The following KBTBD12 variants were observed in gnomAD, a reference collection of about 807,000 sequenced individuals.
The protein encoded by KBTBD12 is kelch repeat and BTB domain containing 12, also known as kelch repeat and BTB domain-containing protein 12.
In KBTBD12, 53 loss-of-function variants were observed where a neutral mutation model predicts 58.7. The ratio of observed to expected loss-of-function variants is 0.90; its 90% CI spans 0.72 to 1.14. The LOEUF (loss-of-function observed/expected upper bound fraction) is 1.14, where lower values mean the gene tolerates loss of function less well. Among genes scored for constraint, KBTBD12 ranks in the 50% most tolerant of loss-of-function variants. The pLI, the probability that KBTBD12 is intolerant of heterozygous loss-of-function variation, is 0.00. For missense variants in KBTBD12, 704 were observed against 751.3 expected (o/e 0.94, Z 0.74); for synonymous variants, 236 against 259.8 (o/e 0.91, Z 0.88).
intron 5 of KBTBD12, chr3:127,963,724 C>T (rs1034552598): frequency 4.8e-6 from 1 of 207,710 alleles, no homozygotes; most frequent in African/African-American, 2.3e-5. Flanking sequence ...GTTTGTACAG[C>T]ATCTAGCACA....
intron 5 of KBTBD12, among the ~76,000 whole-genome samples, chr3:127,970,908 T>A (rs1000368769): frequency 2.0e-5 from 3 of 151,474 alleles, no homozygotes; most frequent in Non-Finnish European, 4.4e-5. Context: ...ACCATTTTTT[T>A]ATACATTTTC....
At chr3:127,960,924 A>G (rs547565085) in intron 4 of KBTBD12, among the ~76,000 whole-genome samples, 21 of 152,166 alleles carry the variant, frequency 1.4e-4, no homozygotes, top group Non-Finnish European at 2.2e-4. Flanking sequence ...AATAATACCC[A>G]TTCTGTATAT....
intron 5 of KBTBD12, among the ~76,000 whole-genome samples, chr3:127,974,725 C>T (rs928188777): frequency 2.6e-5 from 4 of 152,194 alleles, no homozygotes; most frequent in Non-Finnish European, 5.9e-5. Context: ...CGGTGGCTCA[C>T]GCCTGTAATC....
At chr3:127,927,664 A>G in intron 2 of KBTBD12, 100 bp from the exon 3 acceptor site, 3 of 888,678 alleles carry the variant, frequency 3.4e-6, no homozygotes, top group South Asian at 3.1e-5. Context: ...TGGAAGAACC[A>G]TATCTCATTA....
intron 1 of KBTBD12, among the ~76,000 whole-genome samples, chr3:127,921,017 G>T (rs1343302723): frequency 6.6e-6 from 1 of 151,950 alleles, no homozygotes; most frequent in Non-Finnish European, 1.5e-5. Flanking sequence ...CTTAGGAGCT[G>T]TGTCTATACC....
At chr3:127,945,132 T>C (rs986973333) in intron 4 of KBTBD12, among the ~76,000 whole-genome samples, 16 of 150,456 alleles carry the variant, frequency 1.1e-4, no homozygotes, top group Admixed American at 6.0e-4. Flanking sequence ...ACTGGTTGTT[T>C]TCTGTGTGTT....
rs775293018 is a variant in KBTBD12, at chr3:127,927,888, C to G, written c.1195C>G (p.Gln399Glu). 4 of 1,613,224 alleles carry G rather than the reference C, an allele frequency of 2.5e-6. No individual in the cohort carries two copies. The highest frequency in any genetic ancestry group is 3.4e-6 in the Non-Finnish European group (4 of 1,179,490). ...AGGAGGACAGATGAAAATTAAAAACCAGTATCTTATTACAAACTGTGTTGA... is the reference window on the plus strand; with the variant it reads ...AGGAGGACAGATGAAAATTAAAAACGAGTATCTTATTACAAACTGTGTTGA... ...VIGGQMKIKN[Q>E]YLITNCVDKY... Residue 399 changes from glutamine (Q) to glutamate (E), a missense_variant, in exon 3 of 6, where the codon CAG (glutamine) becomes GAG (glutamate). Gln to Glu is a conservative substitution (Grantham distance 29). Coordinates refer to ENST00000405109, the MANE Select transcript of KBTBD12 (RefSeq NM_207335.4).
intron 4 of KBTBD12, among the ~76,000 whole-genome samples, chr3:127,935,045 T>A (rs796776934): frequency 3.3e-5 from 5 of 152,308 alleles, no homozygotes; most frequent in African/African-American, 1.2e-4. Flanking sequence ...TTCTTTTTTC[T>A]TCTCTTAATT....
rs1008148073 is a variant in KBTBD12 at position 127,958,878 on chromosome 3, A to T, written c.1493-4311A>T. 3.5e-4 allele frequency among the ~76,000 whole-genome samples: 54 copies of T among 152,208 alleles called. 1 individual carries two copies. Among genetic ancestry groups the T allele is most frequent in the Admixed American group, 6.5e-5 (1 of 15,284 alleles). The stretch of plus-strand genomic sequence containing the variant: ...AGAGAATGGAGAATGGCCACAGTAC[A>T]TGGGGGCCCAGCAGCCCTGTTCTGT... On this transcript the variant is annotated intron_variant, in intron 4 of 5. Coordinates refer to ENST00000405109, the MANE Select transcript of KBTBD12 (RefSeq NM_207335.4).
chr3:127,968,244 CTT>C (rs1246181555), intron 5 of KBTBD12, among the ~76,000 whole-genome samples: 1 of 152,222 alleles, frequency 6.6e-6, no homozygotes, highest in Non-Finnish European at 1.5e-5. Context: ...ATCCCAGACT[CTT>C]TGCAGTTCTT....
At chr3:127,979,835 C>T (rs1303885911) in intron 5 of KBTBD12, among the ~76,000 whole-genome samples, 1 of 152,148 alleles carries the variant, frequency 6.6e-6, no homozygotes, top group Non-Finnish European at 1.5e-5. Flanking sequence ...ATTGACTAAC[C>T]ATAAATTAGG....
chr3:127,958,866 T>G (rs1940372183), intron 4 of KBTBD12, among the ~76,000 whole-genome samples: 2 of 152,164 alleles, frequency 1.3e-5, no homozygotes, highest in Non-Finnish European at 2.9e-5. Flanking sequence ...GAATGGAGAA[T>G]GGCCACAGTA....
At position 127,923,987 on chromosome 3, in the gene KBTBD12, A is replaced by G. The variant is rs1219044733; in HGVS notation, c.926A>G (p.Tyr309Cys). 12 of 1,613,678 alleles carry G rather than the reference A, an allele frequency of 7.4e-6. No individual in the cohort carries two copies. The highest frequency in any genetic ancestry group is 3.3e-5 in the Admixed American group (2 of 59,972). ...TATGATCCTGTATCACGGAAAACCT[A>G]TTTCATCTCATCTCCCAAGTACGGA... The part of the protein sequence containing the change: ...FCYDPVSRKT[Y>C]FISSPKYGEG... Residue 309 changes from tyrosine (Y) to cysteine (C), a missense_variant, in exon 2 of 6, where the codon TAT (tyrosine) becomes TGT (cysteine). Physicochemically the swap from Tyr to Cys is radical, Grantham distance 194. Coordinates refer to ENST00000405109, the MANE Select transcript of KBTBD12 (RefSeq NM_207335.4).
rs1219811013 is a variant in KBTBD12 at position 127,970,892 on chromosome 3, T to TA, written c.1690+7512dup. Among the ~76,000 whole-genome samples, 3 of 147,260 alleles carry TA rather than the reference T, an allele frequency of 2.0e-5. No homozygotes were observed. In the South Asian group the frequency reaches 7.1e-4, roughly 35 times the overall value. On this transcript the variant is annotated intron_variant, in intron 5 of 5. Transcript: ENST00000405109. Reference sequence around the variant, plus strand: ...TGGCTGCACAACTCTGTGAATATACTAAAAAACCATTTTTTTATACATTTT... The same window carrying TA: ...TGGCTGCACAACTCTGTGAATATACTAAAAAAACCATTTTTTTATACATTTT...
intron 5 of KBTBD12, among the ~76,000 whole-genome samples, chr3:127,975,850 C>G (rs141203030): frequency 2.0e-3 from 312 of 152,336 alleles, no homozygotes; most frequent in African/African-American, 6.5e-3. Flanking sequence ...ACATTGGTTA[C>G]TGCTGTTTGC....
chr3:127,915,774 C>T (rs1005918229), intron 1 of KBTBD12, among the ~76,000 whole-genome samples, 188 bp downstream of exon 1: 3 of 152,258 alleles, frequency 2.0e-5, no homozygotes, highest in Non-Finnish European at 2.9e-5. Context: ...AGCTGCTCCT[C>T]CAGGCCATCT....
At position 127,927,769 on chromosome 3, in the gene KBTBD12, A is replaced by C. The variant is rs757031093; in HGVS notation, c.1076A>C (p.His359Pro). 1.3e-6 allele frequency: 2 copies of C among 1,525,032 alleles called. No homozygotes were observed. Among genetic ancestry groups the C allele is most frequent in the South Asian group, 1.3e-5 (1 of 74,382 alleles). The allele number at this position is 1,525,032 out of a possible 1,614,324, so 94.5% of individuals were successfully genotyped here. ...KNKNVEIYRY[H>P]DRGNQFWEKL... ...ACTCTCTCTCTCTTTTGCAGGTATC[A>C]TGATAGAGGAAACCAGTTTTGGGAA... is the stretch of plus-strand genomic sequence containing the variant. The change falls in exon 3 of 6, where the codon CAT becomes CCT. Residue 359 changes from histidine to proline, a missense_variant. By Grantham distance (77) the His-to-Pro change is moderately conservative. Coordinates refer to ENST00000405109, the MANE Select transcript of KBTBD12 (RefSeq NM_207335.4).
rs557692732 is a variant in KBTBD12 at position 127,978,328 on chromosome 3, A to C, written c.1691-5769A>C. Among the ~76,000 whole-genome samples, 7 of 152,330 alleles carry C rather than the reference A, an allele frequency of 4.6e-5. 1 individual carries two copies. The South Asian group carries it at 6.2e-4, about 14-fold the overall frequency. Reference sequence around the variant, plus strand: ...CACTCCACCCTGTCTGTCCCACTAAAGGCAATTAAATCCCCTGGCCAGATG... The same window carrying C: ...CACTCCACCCTGTCTGTCCCACTAACGGCAATTAAATCCCCTGGCCAGATG... On this transcript the variant is annotated intron_variant, in intron 5 of 5. Coordinates refer to ENST00000405109, the MANE Select transcript of KBTBD12 (RefSeq NM_207335.4).
At chr3:127,981,720 T>C (rs576615355) in intron 5 of KBTBD12, among the ~76,000 whole-genome samples, 5 of 152,254 alleles carry the variant, frequency 3.3e-5, no homozygotes, top group African/African-American at 4.8e-5. Flanking sequence ...GGAGGGCAGA[T>C]CACAAGGTCA....
Sources: gnomAD v4.1 joint callset for allele counts (sites outside exome capture counted in the v4.1 genomes callset) on GRCh38, gnomAD v4.1.1 for gene constraint, MANE v1.5 for transcripts, NCBI Gene and HGNC (gene_info 2026-07-23, HGNC 2026-07-21) for gene names.